Variants in KCNAB1 observed in about 807,000 individuals in gnomAD.
KCNAB1 encodes potassium voltage-gated channel subfamily A regulatory beta subunit 1, also known as voltage-gated potassium channel subunit beta-1.
In KCNAB1, 35 loss-of-function variants were observed where a neutral mutation model predicts 64.6. That is an observed-to-expected ratio of 0.54 (90% confidence interval 0.41 to 0.72). KCNAB1 has a LOEUF of 0.72. Ranked by LOEUF, KCNAB1 falls within the 30% of genes least tolerant of loss-of-function variation. The pLI is 0.00. For synonymous variants in KCNAB1, 177 were observed against 183.8 expected (o/e 0.96, Z 0.30); for missense variants, 401 against 512.9 (o/e 0.78, Z 2.11).
rs1262269874 is a variant in KCNAB1, at chr3:156,275,226, C to T, written c.276-146390C>T. On this transcript the variant is annotated intron_variant, in intron 1 of 13. Transcript: ENST00000490337. ...GCATATAAAAGTTATGTTTACATTA[C>T]ACTGTGTTCATATTAAATGTACAAT... Among the ~76,000 whole-genome samples, 6 of 152,314 alleles carry T rather than the reference C, an allele frequency of 3.9e-5. No individual in the cohort carries two copies. In the East Asian group the frequency reaches 5.8e-4, roughly 15 times the overall value.
intron 1 of KCNAB1, among the ~76,000 whole-genome samples, chr3:156,177,981 C>A (rs1712515174): frequency 6.6e-6 from 1 of 152,082 alleles, no homozygotes; most frequent in Non-Finnish European, 1.5e-5. Context: ...CGTGATCCAC[C>A]CGCCTTGGCC....
intron 1 of KCNAB1, among the ~76,000 whole-genome samples, chr3:156,186,307 T>A (rs1187732698): frequency 6.6e-6 from 1 of 152,198 alleles, no homozygotes; most frequent in Non-Finnish European, 1.5e-5. Context: ...AGGATTGCCT[T>A]TAAAATTTAG....
At chr3:156,338,302 A>ATTTTTTTTT (rs1723857966) in intron 1 of KCNAB1, among the ~76,000 whole-genome samples, 1 of 17,296 alleles carries the variant, frequency 5.8e-5, no homozygotes, top group African/African-American at 2.2e-4. Context: ...TGGCATTTGC[A>ATTTTTTTTT]CTTTTTTTTT....
At chr3:156,143,885 C>T (rs1453787407) in intron 1 of KCNAB1, among the ~76,000 whole-genome samples, 8 of 149,040 alleles carry the variant, frequency 5.4e-5, no homozygotes, top group Non-Finnish European at 1.2e-4. Flanking sequence ...TTCAAGTTCT[C>T]CTTGAAATGA....
intron 1 of KCNAB1, among the ~76,000 whole-genome samples, chr3:156,144,146 C>T (rs147024420): frequency 2.6e-5 from 4 of 152,190 alleles, no homozygotes; most frequent in Admixed American, 6.5e-5. Flanking sequence ...CCTTTACGTA[C>T]GCCTGGAGTT....
intron 1 of KCNAB1, among the ~76,000 whole-genome samples, chr3:156,147,775 G>A (rs1437669480): frequency 6.6e-6 from 1 of 152,136 alleles, no homozygotes; most frequent in African/African-American, 2.4e-5. Flanking sequence ...TACAGCTGAA[G>A]AAAATTGAGG....
chr3:156,354,077 A>G (rs1054298545), intron 1 of KCNAB1, among the ~76,000 whole-genome samples: 30 of 127,636 alleles, frequency 2.4e-4, no homozygotes, highest in African/African-American at 9.9e-4. Context: ...GTGTGTGTAT[A>G]TATGTGTGTA....
chr3:156,122,135 A>G (rs1415761521), intron 1 of KCNAB1, among the ~76,000 whole-genome samples: 5 of 152,022 alleles, frequency 3.3e-5, no homozygotes, highest in African/African-American at 1.2e-4. Flanking sequence ...AAGCTCTTGT[A>G]TATGCTGTTG....
At chr3:156,416,719 A>G (rs914309273) in intron 1 of KCNAB1, among the ~76,000 whole-genome samples, 7 of 152,204 alleles carry the variant, frequency 4.6e-5, no homozygotes, top group Admixed American at 6.5e-5. Context: ...GGCCTGGTAC[A>G]TAGGTGAAAT....
intron 1 of KCNAB1, among the ~76,000 whole-genome samples, chr3:156,334,419 T>C (rs1442978038): frequency 6.6e-6 from 1 of 152,090 alleles, no homozygotes; most frequent in African/African-American, 2.4e-5. Flanking sequence ...GGCCTTCTCT[T>C]TCCTATCGGA....
At chr3:156,519,899 A>G (rs1011861185) in intron 11 of KCNAB1, among the ~76,000 whole-genome samples, 2 of 152,220 alleles carry the variant, frequency 1.3e-5, no homozygotes, top group South Asian at 2.1e-4. Flanking sequence ...TGTGAGACCA[A>G]TGACAGTGGC....
chr3:156,213,480 C>T (rs1056727972), intron 1 of KCNAB1, among the ~76,000 whole-genome samples: 1 of 152,152 alleles, frequency 6.6e-6, no homozygotes, highest in Non-Finnish European at 1.5e-5. Context: ...TGCCAAAGTG[C>T]TCAGATTACA....
chr3:156,357,319 C>A lies in KCNAB1; in HGVS notation c.276-64297C>A, dbSNP rs552264984. ...AGGCTCATACTGCAATGGGTGGAAA[C>A]TTTCAAGTGGGGACAGTTAGAAAAG... On this transcript the variant is annotated intron_variant, in intron 1 of 13. Coordinates refer to ENST00000490337, the MANE Select transcript of KCNAB1 (RefSeq NM_172160.3). Among the ~76,000 whole-genome samples the A allele has an allele frequency of 5.3e-4, 80 of 152,256 alleles. 2 individuals are homozygous for A. The South Asian group carries it at 0.016, about 30-fold the overall frequency.
At chr3:156,384,322 T>G (rs951895128) in intron 1 of KCNAB1, among the ~76,000 whole-genome samples, 2 of 152,190 alleles carry the variant, frequency 1.3e-5, no homozygotes, top group Non-Finnish European at 2.9e-5. Context: ...TACTTCTGAG[T>G]GAACTCTTTG....
At chr3:156,293,275 G>A (rs1720569600) in intron 1 of KCNAB1, among the ~76,000 whole-genome samples, 1 of 152,216 alleles carries the variant, frequency 6.6e-6, no homozygotes, top group African/African-American at 2.4e-5. Context: ...GTAGAGGAGA[G>A]AAGCTACCAA....
chr3:156,259,684 G>T (rs536145188), intron 1 of KCNAB1, among the ~76,000 whole-genome samples: 1 of 152,262 alleles, frequency 6.6e-6, no homozygotes, highest in South Asian at 2.1e-4. Context: ...TGCCCATCTG[G>T]ACCTGTGTGT....
chr3:156,195,073 A>G (rs1407443460), intron 1 of KCNAB1, among the ~76,000 whole-genome samples: 1 of 152,088 alleles, frequency 6.6e-6, no homozygotes, highest in African/African-American at 2.4e-5. Flanking sequence ...GCTGAGAATG[A>G]TGGTTTCCAG....
At chr3:156,532,122 T>C (rs111391817) in intron 13 of KCNAB1, among the ~76,000 whole-genome samples, 41 of 152,352 alleles carry the variant, frequency 2.7e-4, no homozygotes, top group African/African-American at 9.1e-4. Flanking sequence ...AATTCTATTT[T>C]GGACTTCCAG....
intron 1 of KCNAB1, among the ~76,000 whole-genome samples, chr3:156,406,463 G>C (rs933055308): frequency 6.6e-6 from 1 of 152,194 alleles, no homozygotes; most frequent in African/African-American, 2.4e-5. Context: ...AGCAGTGGAA[G>C]AAGTCACCAG....
Sources: gnomAD v4.1 joint callset for allele counts (sites outside exome capture counted in the v4.1 genomes callset) on GRCh38, gnomAD v4.1.1 for gene constraint, MANE v1.5 for transcripts, NCBI Gene and HGNC (gene_info 2026-07-23, HGNC 2026-07-21) for gene names.